Variants in NR5A2 observed in about 807,000 individuals in gnomAD.
NR5A2 encodes nuclear receptor subfamily 5 group A member 2.
NR5A2 carries 26 observed loss-of-function variants against 62.7 expected under a neutral mutation model. The ratio of observed to expected loss-of-function variants is 0.41; its 90% confidence interval spans 0.30 to 0.58. NR5A2 has a LOEUF of 0.58. NR5A2 is among the 20% of genes least tolerant of loss of function. NR5A2 has a pLI of 0.22. For synonymous variants in NR5A2, 246 were observed against 241.7 expected, an observed-to-expected ratio of 1.02 and a Z score of -0.16; for missense variants, 541 against 669.1, an observed-to-expected ratio of 0.81 and a Z score of 2.11.
At chr1:200,029,018 T>C in intron 1 of NR5A2, 1 of 439,086 alleles carries the variant, frequency 2.3e-6, no homozygotes, top group South Asian at 1.6e-5. Context: ...TAACACACAA[T>C]CAATTGTTCT....
intron 5 of NR5A2, among the ~76,000 whole-genome samples, chr1:200,100,135 A>G (rs1665297138): frequency 6.6e-6 from 1 of 152,230 alleles, no homozygotes; most frequent in Non-Finnish European, 1.5e-5. Context: ...TATACATAAG[A>G]GATTTCTAAA....
At chr1:200,126,967 A>G (rs1666731140) in intron 7 of NR5A2, among the ~76,000 whole-genome samples, 1 of 152,246 alleles carries the variant, frequency 6.6e-6, no homozygotes. Flanking sequence ...AAAATGAGCC[A>G]TAGAAGGAAG....
chr1:200,155,974 A>C (rs943516424), intron 7 of NR5A2, among the ~76,000 whole-genome samples: 3 of 152,148 alleles, frequency 2.0e-5, no homozygotes, highest in African/African-American at 7.2e-5. Context: ...CGCCTGGCCC[A>C]AAAATCAAAT....
intron 5 of NR5A2, among the ~76,000 whole-genome samples, chr1:200,080,270 C>A (rs749715367): frequency 6.6e-6 from 1 of 152,118 alleles, no homozygotes; most frequent in Non-Finnish European, 1.5e-5. Flanking sequence ...CCGAATTAAC[C>A]TTGTGTGGCC....
intron 4 of NR5A2, 64 bp downstream of exon 4, chr1:200,045,648 A>G (rs1181804550): frequency 1.5e-6 from 2 of 1,335,970 alleles, no homozygotes; most frequent in South Asian, 1.4e-5. Context: ...GTAAAACAAC[A>G]TTGTACTTAT....
At chr1:200,121,017 A>G in intron 7 of NR5A2, 62 bp downstream of exon 7, 1 of 1,573,374 alleles carries the variant, frequency 6.4e-7, no homozygotes, top group Non-Finnish European at 8.7e-7. Flanking sequence ...TTGAAGTTCA[A>G]ATATCTTGTG....
chr1:200,055,522 TGA>T (rs1450953950), intron 5 of NR5A2, among the ~76,000 whole-genome samples: 1 of 152,072 alleles, frequency 6.6e-6, no homozygotes, highest in African/African-American at 2.4e-5. Context: ...AAAGAGAAAC[TGA>T]GAGAGAGGAT....
At chr1:200,136,976 T>C (rs188343388) in intron 7 of NR5A2, among the ~76,000 whole-genome samples, 31 of 152,194 alleles carry the variant, frequency 2.0e-4, no homozygotes, top group Non-Finnish European at 4.1e-4. Context: ...TTCTTTTCTT[T>C]ATCTTTTTTT....
chr1:200,144,989 A>C (rs1667619470), intron 7 of NR5A2, among the ~76,000 whole-genome samples: 1 of 152,124 alleles, frequency 6.6e-6, no homozygotes, highest in South Asian at 2.1e-4. Context: ...CATCAGAATC[A>C]TCTGGGGGTT....
At chr1:200,059,843 A>C (rs1663111311) in intron 5 of NR5A2, among the ~76,000 whole-genome samples, 1 of 152,220 alleles carries the variant, frequency 6.6e-6, no homozygotes, top group Admixed American at 6.5e-5. Flanking sequence ...ATCCATTTGC[A>C]GAATGGCTCC....
chr1:200,110,336 A>G (rs1665883882), intron 5 of NR5A2, among the ~76,000 whole-genome samples: 1 of 152,218 alleles, frequency 6.6e-6, no homozygotes, highest in African/African-American at 2.4e-5. Flanking sequence ...ACAAATAGCT[A>G]TAGAAATGGA....
At chr1:200,129,791 A>T (rs545237679) in intron 7 of NR5A2, among the ~76,000 whole-genome samples, 1 of 152,224 alleles carries the variant, frequency 6.6e-6, no homozygotes, top group Admixed American at 6.5e-5. Flanking sequence ...GGATCACCTG[A>T]TGATTGGCCA....
chr1:200,068,072 C>T (rs1663578744), intron 5 of NR5A2, among the ~76,000 whole-genome samples: 2 of 152,110 alleles, frequency 1.3e-5, no homozygotes, highest in Non-Finnish European at 2.9e-5. Flanking sequence ...CCTTTGTTGT[C>T]CTTTTTATGA....
intron 5 of NR5A2, among the ~76,000 whole-genome samples, chr1:200,077,671 G>T (rs1664103711): frequency 6.6e-6 from 1 of 152,180 alleles, no homozygotes; most frequent in Admixed American, 6.5e-5. Flanking sequence ...CCAAGATAGT[G>T]CTACTGCACT....
chr1:200,087,710 C>T (rs960420706), intron 5 of NR5A2, among the ~76,000 whole-genome samples: 1 of 151,600 alleles, frequency 6.6e-6, no homozygotes, highest in Non-Finnish European at 1.5e-5. Context: ...TCCCTTTTAT[C>T]TGTTCTTTCA....
chr1:200,105,573 G>A (rs140219456), intron 5 of NR5A2, among the ~76,000 whole-genome samples: 102 of 152,216 alleles, frequency 6.7e-4, no homozygotes, highest in African/African-American at 2.1e-3. Flanking sequence ...CAAAATTAAC[G>A]ATCAGAAATA....
rs12566100 is a variant in NR5A2 at position 200,050,045 on chromosome 1, G to A, written c.1110+1227G>A. Among the ~76,000 whole-genome samples the A allele has an allele frequency of 9.8e-3, 1,487 of 152,232 alleles. 36 individuals carry two copies. Among genetic ancestry groups the A allele is most frequent in the East Asian group, 0.085 (439 of 5,184 alleles). On this transcript the variant is annotated intron_variant, in intron 5 of 7. Transcript: ENST00000367362. ...GACACATCCAGCTCTTTATTTCCAC[G>A]TCCTTTATTGCTACGCTTAAAAATG... is the stretch of plus-strand genomic sequence containing the variant.
Position 200,155,431 on chromosome 1 carries a change from C to T in NR5A2, c.1379-18532C>T, listed in dbSNP as rs530146916. 2.0e-5 allele frequency among the ~76,000 whole-genome samples: 3 copies of T among 152,260 alleles called. No homozygotes were observed. The South Asian group carries it at 6.2e-4, about 32-fold the overall frequency. ...ACAGTAGACTTGGAGAAAGACAGGC[C>T]TTTCAAGAATTGGTTTTTAGAGATG... On this transcript the variant is annotated intron_variant, in intron 7 of 7. Coordinates refer to ENST00000367362, the MANE Select transcript of NR5A2 (RefSeq NM_205860.3).
Position 200,147,891 on chromosome 1 carries a change from G to A in NR5A2, c.1379-26072G>A, listed in dbSNP as rs927452249. On this transcript the variant is annotated intron_variant, in intron 7 of 7. Coordinates refer to ENST00000367362, the MANE Select transcript of NR5A2 (RefSeq NM_205860.3). This position sits in a 1 kb window ranked among gnomAD's most constrained non-coding sequence, Gnocchi z 4.9. The stretch of plus-strand genomic sequence containing the variant: ...CGCAGTCCCCGGAGCGGTGGCCGGC[G>A]CGCGGGGAGAAGCTGCGGGCTGTGA... 3 of 399,098 alleles carry A rather than the reference G, an allele frequency of 7.5e-6. No individual in the cohort carries two copies. The highest frequency in any genetic ancestry group is 4.2e-5 in the African/African-American group (2 of 47,892). The allele number at this position is 399,098 out of a possible 1,614,324, so 24.7% of individuals were successfully genotyped here. A position where few individuals can be genotyped will look rare whatever the true frequency, so the allele number is the denominator to read the frequency against.
Sources: allele counts gnomAD v4.1 joint callset (sites outside exome capture counted in the v4.1 genomes callset), GRCh38; gene constraint gnomAD v4.1.1; non-coding constraint Gnocchi (gnomAD v3.1); transcripts MANE v1.5; gene names NCBI Gene and HGNC (gene_info 2026-07-23, HGNC 2026-07-21).